KDM1A: variants seen among roughly 807,000 people sequenced by gnomAD.
The protein encoded by KDM1A is lysine demethylase 1A, also known as lysine-specific histone demethylase 1A.
KDM1A carries 49 observed loss-of-function variants against 109.4 expected under a neutral mutation model. The ratio of observed to expected loss-of-function variants is 0.45; its 90% CI spans 0.36 to 0.57. The LOEUF is 0.57. Ranked by LOEUF, KDM1A falls within the 20% of genes least tolerant of loss-of-function variation. The probability of loss-of-function intolerance (pLI) is 0.00; values close to 1 mark genes in which losing one functional copy is unlikely to be tolerated. For missense variants in KDM1A, 668 were observed against 1,116.6 expected, an observed-to-expected ratio of 0.60 and a Z score of 5.73; for synonymous variants, 380 against 415.4, an observed-to-expected ratio of 0.91 and a Z score of 1.04.
chr1:23,063,196 TG>T (rs369708466), intron 9 of KDM1A, among the ~76,000 whole-genome samples: 4,664 of 39,460 alleles, frequency 0.12, 885 homozygotes, highest in African/African-American at 0.31. Context: ...GCTGTAGCAT[TG>T]GGGGGGGGGT....
At chr1:23,054,631 T>C (rs1436089526) in intron 5 of KDM1A, among the ~76,000 whole-genome samples, 2 of 152,028 alleles carry the variant, frequency 1.3e-5, no homozygotes, top group African/African-American at 4.8e-5. Context: ...TCGGGGTCTT[T>C]ACAGTGATTT....
intron 1 of KDM1A, among the ~76,000 whole-genome samples, chr1:23,026,435 G>C (rs1641807308): frequency 6.7e-6 from 1 of 150,164 alleles, no homozygotes; most frequent in Non-Finnish European, 1.5e-5. Flanking sequence ...TGTCACCCAG[G>C]CTGGAGTGCA....
Position 23,082,869 on chromosome 1 carries a change from G to A in KDM1A, c.2446-310G>A, listed in dbSNP as rs542050101. 4.4e-5 allele frequency: 11 copies of A among 248,108 alleles called. No individual in the cohort carries two copies. In the East Asian group the frequency reaches 5.8e-4, roughly 13 times the overall value. 15.4% of individuals were successfully genotyped at this position (248,108 alleles called of 1,614,324 possible). A position where few individuals can be genotyped will look rare whatever the true frequency, so the allele number is the denominator to read the frequency against. On this transcript the variant is annotated intron_variant, in intron 20 of 20. Transcript: ENST00000400181. ...CAAATGTCCTGTGCTTCAGGGTAGC[G>A]AGGCTCCCTCCCAGAAGGTAGTTAT...
Position 23,083,357 on chromosome 1 carries a change from G to A in KDM1A, c.2624G>A (p.Ser875Asn). The change falls in exon 21 of 21, where the codon AGC (serine) becomes AAC (asparagine). Residue 875 changes from serine (S) to asparagine (N), a missense_variant. Physicochemically the swap from Ser to Asn is conservative, Grantham distance 46. Transcript: ENST00000400181. Reference sequence around the variant, plus strand: ...GGTGTTCCTGCACAGCAGTCCCCAAGCATGTGAGACAGATGCATTCTAAGG... The same window carrying A: ...GGTGTTCCTGCACAGCAGTCCCCAAACATGTGAGACAGATGCATTCTAAGG... ...TPGVPAQQSP[S>N]M 1 of 1,612,490 alleles carries A rather than the reference G, an allele frequency of 6.2e-7. No homozygotes were observed. The highest frequency in any genetic ancestry group is 1.1e-5 in the South Asian group (1 of 90,934).
In KDM1A at chr1:23,078,363, GATAT is replaced by G. The variant is rs547022500; in HGVS notation, c.1868-623_1868-620del. ...TACTGAGCTTTCATATTTATTTTGA[GATAT>G]ATAATTTCAAAATATATATAGTATA... On this transcript the variant is annotated intron_variant, in intron 16 of 20. Coordinates refer to ENST00000400181, the MANE Select transcript of KDM1A (RefSeq NM_001009999.3). Among the ~76,000 whole-genome samples the G allele has an allele frequency of 6.3e-3, 964 of 152,168 alleles. 2 individuals carry two copies. The highest frequency in any genetic ancestry group is 0.011 in the Non-Finnish European group (741 of 68,014).
chr1:23,023,720 C>G (rs548533636), intron 1 of KDM1A, among the ~76,000 whole-genome samples: 2 of 152,294 alleles, frequency 1.3e-5, no homozygotes, highest in Non-Finnish European at 1.5e-5. Context: ...TTGTCAGTTT[C>G]TGCAAAAAGG....
rs1569832892 is a variant in KDM1A at position 23,081,874 on chromosome 1, A to G, written c.2298+301A>G. The G allele has an allele frequency of 9.3e-6, 4 of 431,320 alleles. No individual in the cohort carries two copies. In the East Asian group the frequency reaches 1.6e-4, roughly 17 times the overall value. The allele number at this position is 431,320 out of a possible 1,614,324, so 26.7% of individuals were successfully genotyped here. ...CAGTGAGTATCTCCGGGAAGTTTTC[A>G]GAGAACCTCTTGGTACTTTTTCGTG... On this transcript the variant is annotated intron_variant, in intron 19 of 20. Coordinates refer to ENST00000400181, the MANE Select transcript of KDM1A (RefSeq NM_001009999.3).
chr1:23,071,444 A>C, intron 13 of KDM1A, 85 bp downstream of exon 13: 1 of 1,338,330 alleles, frequency 7.5e-7, no homozygotes, highest in Non-Finnish European at 1.0e-6. Flanking sequence ...AAAGAGAGCC[A>C]CTAGCCAATC....
chr1:23,045,017 T>C (rs539550620), intron 3 of KDM1A, among the ~76,000 whole-genome samples: 1 of 152,318 alleles, frequency 6.6e-6, no homozygotes, highest in East Asian at 1.9e-4. Flanking sequence ...ACATTTTGTT[T>C]CTCATGTGAA....
intron 2 of KDM1A, among the ~76,000 whole-genome samples, chr1:23,041,066 A>C (rs1005719627): frequency 6.6e-6 from 1 of 152,196 alleles, no homozygotes; most frequent in Non-Finnish European, 1.5e-5. Context: ...TGAATAAGGG[A>C]TTTTATATAT....
chr1:23,075,008 A>G (rs1047077507), intron 15 of KDM1A, among the ~76,000 whole-genome samples: 4 of 152,186 alleles, frequency 2.6e-5, no homozygotes. Context: ...CAACTTGTCA[A>G]TTTCTACAAA....
chr1:23,054,989 A>T, intron 5 of KDM1A, 80 bp from the exon 6 acceptor site: 1 of 871,210 alleles, frequency 1.1e-6, no homozygotes, highest in East Asian at 2.6e-5. Flanking sequence ...GGACTTCATG[A>T]TGGAGAAATG....
chr1:23,019,696 G>T lies in KDM1A; in HGVS notation c.100G>T (p.Gly34Trp), dbSNP rs886904176. The change falls in exon 1 of 21, where the codon GGG becomes TGG. Residue 34 changes from glycine (G) to tryptophan (W), a missense_variant. Coordinates refer to ENST00000400181, the MANE Select transcript of KDM1A (RefSeq NM_001009999.3). Reference sequence around the variant, plus strand: ...TGGGACAGCAGGCGGCTCCGAGAACGGGTCTGAGGTGGCCGCGCAGCCCGC... The same window carrying T: ...TGGGACAGCAGGCGGCTCCGAGAACTGGTCTGAGGTGGCCGCGCAGCCCGC... ...GPGTAGGSEN[G>W]SEVAAQPAGL... 1 of 1,316,002 alleles carries T rather than the reference G, an allele frequency of 7.6e-7. No homozygotes were observed. Among genetic ancestry groups the T allele is most frequent in the Non-Finnish European group, 9.7e-7 (1 of 1,034,056 alleles). The allele number at this position is 1,316,002 out of a possible 1,614,324, so 81.5% of individuals were successfully genotyped here.
chr1:23,019,639 G>A lies in KDM1A; in HGVS notation c.43G>A (p.Ala15Thr). 1 of 1,413,706 alleles carries A rather than the reference G, an allele frequency of 7.1e-7. No homozygotes were observed. The highest frequency in any genetic ancestry group is 1.5e-5 in the South Asian group (1 of 65,584). 87.6% of individuals were successfully genotyped at this position (1,413,706 alleles called of 1,614,324 possible). A position where few individuals can be genotyped will look rare whatever the true frequency, so the allele number is the denominator to read the frequency against. ...GGCGGCAGCCGCGGCGGCGGCGGCTGCAGCGGCAGCAACCGGGACGGAGGC... is the reference window on the plus strand; with the variant it reads ...GGCGGCAGCCGCGGCGGCGGCGGCTACAGCGGCAGCAACCGGGACGGAGGC... Reference protein sequence around the residue: ...KKAAAAAAAAAAAATGTEAGP... With the variant: ...KKAAAAAAAATAAATGTEAGP... The change falls in exon 1 of 21, where the codon GCA becomes ACA. Residue 15 changes from alanine (A) to threonine (T), a missense_variant. Ala to Thr is a moderately conservative substitution (Grantham distance 58). Transcript: ENST00000400181.
chr1:23,077,205 A>G (rs1643492752), intron 15 of KDM1A, 23 bp from the exon 16 acceptor site: 7 of 1,604,660 alleles, frequency 4.4e-6, no homozygotes, highest in African/African-American at 1.3e-5. Context: ...GGTTGGAAAT[A>G]TGTTCTTTTC....
intron 9 of KDM1A, chr1:23,059,496 T>G (rs899164070): frequency 5.2e-5 from 19 of 362,046 alleles, no homozygotes; most frequent in East Asian, 7.1e-5. Context: ...GATTCTTCGG[T>G]TTTTTTTGTA....
At chr1:23,044,234 G>C (rs977354184) in intron 2 of KDM1A, 193 bp from the exon 3 acceptor site, 7 of 528,574 alleles carry the variant, frequency 1.3e-5, no homozygotes, top group Non-Finnish European at 2.4e-5. Context: ...ATGTAAAGTT[G>C]AAACTTCCTG....
intron 2 of KDM1A, among the ~76,000 whole-genome samples, chr1:23,031,047 C>T (rs941730473): frequency 3.9e-5 from 6 of 152,198 alleles, no homozygotes; most frequent in African/African-American, 7.2e-5. Context: ...GTGTTTACCA[C>T]GTAGTTAGAT....
chr1:23,047,664 G>T (rs1642540234), intron 3 of KDM1A, among the ~76,000 whole-genome samples: 2 of 152,208 alleles, frequency 1.3e-5, no homozygotes, highest in Non-Finnish European at 2.9e-5. Flanking sequence ...CACTTTGGGA[G>T]GCCGAGATGG....
Sources: allele counts gnomAD v4.1 joint callset (sites outside exome capture counted in the v4.1 genomes callset), GRCh38; gene constraint gnomAD v4.1.1; transcripts MANE v1.5; gene names NCBI Gene and HGNC (gene_info 2026-07-23, HGNC 2026-07-21).